Variants in TMEM243 observed in about 807,000 individuals in gnomAD.
TMEM243 encodes the protein MDR1 and mitochondrial taxol resistance associated.
A neutral mutation model predicts 15.0 loss-of-function variants in TMEM243; 20 were observed. That is an observed-to-expected ratio of 1.33 (90% CI 0.94 to 1.93). The LOEUF (loss-of-function observed/expected upper bound fraction) is 1.93. TMEM243 is among the 30% of genes most tolerant of loss of function. The pLI is 0.00. For missense variants in TMEM243, 156 were observed against 142.1 expected, an observed-to-expected ratio of 1.10 and a Z score of -0.50; for synonymous variants, 72 against 52.7, an observed-to-expected ratio of 1.37 and a Z score of -1.59.
chr7:87,210,275 C>G (rs1032892808), intron 1 of TMEM243, among the ~76,000 whole-genome samples: 1 of 152,054 alleles, frequency 6.6e-6, no homozygotes, highest in Non-Finnish European at 1.5e-5. Context: ...AAGGACACAG[C>G]CAAACCATGT....
At chr7:87,215,888 C>A (rs1027600619) in intron 1 of TMEM243, among the ~76,000 whole-genome samples, 1 of 152,088 alleles carries the variant, frequency 6.6e-6, no homozygotes, top group African/African-American at 2.4e-5. Context: ...CTTATAATCT[C>A]AGAACTTTGA....
At chr7:87,209,968 AG>A (rs1328446938) in intron 1 of TMEM243, among the ~76,000 whole-genome samples, 1 of 72,894 alleles carries the variant, frequency 1.4e-5, no homozygotes, top group South Asian at 6.9e-4. Flanking sequence ...GAGGAGGGGG[AG>A]GGGGGACAGA....
At chr7:87,219,918 A>C (rs1304620166), upstream of TMEM243, among the ~76,000 whole-genome samples, 1 of 151,534 alleles carries the variant, frequency 6.6e-6, no homozygotes, top group East Asian at 2.0e-4. Context: ...CCCGGGAGAG[A>C]CTCCCACACG....
chr7:87,198,888 A>G, intron 2 of TMEM243, 119 bp downstream of exon 2: 1 of 893,174 alleles, frequency 1.1e-6, no homozygotes, highest in Non-Finnish European at 1.7e-6. Context: ...AGCAACTGCA[A>G]TTTTGTGGTA....
intron 1 of TMEM243, among the ~76,000 whole-genome samples, chr7:87,201,737 G>A (rs955798048): frequency 2.0e-5 from 3 of 152,174 alleles, no homozygotes; most frequent in African/African-American, 4.8e-5. Flanking sequence ...TACTTCTACA[G>A]CTAGTCTCTA....
At chr7:87,207,285 A>G (rs1305704669) in intron 1 of TMEM243, among the ~76,000 whole-genome samples, 2 of 152,234 alleles carry the variant, frequency 1.3e-5, no homozygotes, top group African/African-American at 4.8e-5. Context: ...GGCAAAACAG[A>G]GAAAAGTCTT....
rs374589748 is a variant in TMEM243, at chr7:87,198,041, G to T, written c.134C>A (p.Thr45Lys). 3.7e-6 allele frequency: 6 copies of T among 1,611,416 alleles called. No homozygotes were observed. The highest frequency in any genetic ancestry group is 5.1e-6 in the Non-Finnish European group (6 of 1,178,490). Reference sequence around the variant, plus strand: ...AGGGAAAACAAAAGCACTTATCAGCGTTACCTGTATGAAGAGAAATTATGT... The same window carrying T: ...AGGGAAAACAAAAGCACTTATCAGCTTTACCTGTATGAAGAGAAATTATGT... ...GSLTSLLILV[T>K]LISAFVFPQL... The change falls in exon 3 of 4, where the codon ACG (threonine) becomes AAG (lysine). Residue 45 changes from threonine (T) to lysine (K), a missense_variant. Coordinates refer to ENST00000257637, the MANE Select transcript of TMEM243 (RefSeq NM_024315.4).
chr7:87,199,290 A>T, intron 1 of TMEM243: 1 of 438,728 alleles, frequency 2.3e-6, no homozygotes. Context: ...GAACATTTAT[A>T]CTAGAGTCTT....
chr7:87,209,000 T>C lies in TMEM243; in HGVS notation c.79-9943A>G, dbSNP rs74962325. Among the ~76,000 whole-genome samples the C allele has an allele frequency of 2.9e-3, 448 of 152,336 alleles. 1 individual carries two copies. The highest frequency in any genetic ancestry group is 5.1e-3 in the Non-Finnish European group (350 of 68,020). On this transcript the variant is annotated intron_variant, in intron 1 of 3. Transcript: ENST00000257637. ...ACTAACTGGGCTTACTACAAACTCA[T>C]GTTTTCTATCCTCACCTGGGCCTTC...
At chr7:87,209,158 A>G (rs112781285) in intron 1 of TMEM243, among the ~76,000 whole-genome samples, 1,644 of 152,302 alleles carry the variant, frequency 0.011, 28 homozygotes, top group African/African-American at 0.037. Flanking sequence ...ACACTACTAG[A>G]AAGAACTACC....
rs559296062 is a variant in TMEM243, at chr7:87,204,205, C to A, written c.79-5148G>T. 3.3e-5 allele frequency among the ~76,000 whole-genome samples: 5 copies of A among 152,302 alleles called. No homozygotes were observed. In the South Asian group the frequency reaches 1.0e-3, roughly 32 times the overall value. ...AGAACAGTATGGGGGAAACCGTCCC[C>A]ATGATTCAGTCATCTCCCACCAGGT... On this transcript the variant is annotated intron_variant, in intron 1 of 3. Coordinates refer to ENST00000257637, the MANE Select transcript of TMEM243 (RefSeq NM_024315.4).
chr7:87,218,802 C>G (rs1168778138), intron 1 of TMEM243: 2 of 152,280 alleles, frequency 1.3e-5, no homozygotes, highest in East Asian at 3.8e-4. Flanking sequence ...AAAAAGATCT[C>G]TCCTCAATTG....
intron 1 of TMEM243, among the ~76,000 whole-genome samples, chr7:87,202,734 T>G (rs1365731774): frequency 6.6e-6 from 1 of 152,208 alleles, no homozygotes; most frequent in East Asian, 1.9e-4. Flanking sequence ...AATACAGACC[T>G]TAACACGGTC....
intron 1 of TMEM243, among the ~76,000 whole-genome samples, chr7:87,218,196 A>C (rs1006904481): frequency 6.6e-6 from 1 of 152,228 alleles, no homozygotes; most frequent in Non-Finnish European, 1.5e-5. Context: ...GGCCAAGTAC[A>C]TAATGGTCAA....
intron 2 of TMEM243, 107 bp from the exon 3 acceptor site, chr7:87,198,152 T>C: frequency 1.2e-6 from 1 of 865,078 alleles, no homozygotes; most frequent in Non-Finnish European, 1.8e-6. Flanking sequence ...GTTATAAAAT[T>C]ACATCTGCCA....
intron 1 of TMEM243, among the ~76,000 whole-genome samples, chr7:87,208,631 C>T (rs1802396306): frequency 6.6e-6 from 1 of 152,248 alleles, no homozygotes; most frequent in Non-Finnish European, 1.5e-5. Flanking sequence ...CTGTCTCTTC[C>T]TCTACCTTGG....
In TMEM243 at chr7:87,219,485, T is replaced by C; in HGVS notation, c.19A>G (p.Arg7Gly). Residue 7 changes from arginine to glycine, a missense_variant, in exon 1 of 4, where the codon AGG becomes GGG. Arg to Gly is a moderately radical substitution (Grantham distance 125). Coordinates refer to ENST00000257637, the MANE Select transcript of TMEM243 (RefSeq NM_024315.4). ...TCCAGGCCACTGGTGCCGTAGGTCC[T>C]GGTAGCAAAGTCCTCCATTTTGGGG... MEDFATRTYGTSGLDNR... is the reference protein window; with the variant it reads MEDFATGTYGTSGLDNR... 7 of 1,614,254 alleles carry C rather than the reference T, an allele frequency of 4.3e-6. No homozygotes were observed. Among genetic ancestry groups the C allele is most frequent in the South Asian group, 1.1e-5 (1 of 91,080 alleles).
intron 1 of TMEM243, 89 bp downstream of exon 1, chr7:87,219,337 A>C: frequency 7.7e-7 from 1 of 1,295,080 alleles, no homozygotes; most frequent in South Asian, 1.2e-5. Flanking sequence ...TGCTTTTAGG[A>C]GCCGCAGAAA....
At chr7:87,209,763 TGAGAGCGAGACA>T (rs1802570333) in intron 1 of TMEM243, among the ~76,000 whole-genome samples, 1 of 33,388 alleles carries the variant, frequency 3.0e-5, no homozygotes, top group East Asian at 7.5e-4. Context: ...AGCGAGACAG[TGAGAGCGAGACA>T]GAGCGAGACA....
Sources: allele counts gnomAD v4.1 joint callset (sites outside exome capture counted in the v4.1 genomes callset), GRCh38; gene constraint gnomAD v4.1.1; transcripts MANE v1.5; gene names NCBI Gene and HGNC (gene_info 2026-07-23, HGNC 2026-07-21).